Variants in L3MBTL4 observed in about 807,000 individuals in gnomAD.
The protein encoded by L3MBTL4 is lethal(3)malignant brain tumor-like protein 4.
L3MBTL4 carries 70 observed loss-of-function variants against 84.5 expected under a neutral mutation model. The ratio of observed to expected loss-of-function variants is 0.83; its 90% CI spans 0.68 to 1.01. The LOEUF (loss-of-function observed/expected upper bound fraction) is 1.01. Among genes scored for constraint, L3MBTL4 ranks in the 50% least tolerant of loss-of-function variants. The pLI is 0.00. For synonymous variants in L3MBTL4, 274 were observed against 259.8 expected (o/e 1.05, Z -0.52); for missense variants, 715 against 754.8 (o/e 0.95, Z 0.62).
At chr18:6,194,414 A>C (rs2045281632) in intron 12 of L3MBTL4, among the ~76,000 whole-genome samples, 1 of 152,194 alleles carries the variant, frequency 6.6e-6, no homozygotes, top group African/African-American at 2.4e-5. Flanking sequence ...AAATGCCACC[A>C]TCACAGCCGT....
intron 1 of L3MBTL4, among the ~76,000 whole-genome samples, chr18:6,353,553 C>G (rs115007951): frequency 6.6e-6 from 1 of 151,928 alleles, no homozygotes; most frequent in East Asian, 1.9e-4. Context: ...CCTAAAGACT[C>G]CACAAAAAAA....
At chr18:6,027,015 TTTTG>T (rs936579521) in intron 16 of L3MBTL4, among the ~76,000 whole-genome samples, 5 of 151,986 alleles carry the variant, frequency 3.3e-5, no homozygotes, top group Non-Finnish European at 5.9e-5. Flanking sequence ...ACAGCTGGTG[TTTTG>T]TTTGTTTGTT....
intron 16 of L3MBTL4, among the ~76,000 whole-genome samples, chr18:6,023,444 T>A (rs1368295402): frequency 6.6e-6 from 1 of 152,186 alleles, no homozygotes; most frequent in Admixed American, 6.5e-5. Context: ...ACGAAGAACA[T>A]TCCAGTGGAA....
chr18:6,321,618 A>G (rs2051406533), intron 1 of L3MBTL4, among the ~76,000 whole-genome samples: 1 of 152,214 alleles, frequency 6.6e-6, no homozygotes, highest in Non-Finnish European at 1.5e-5. Context: ...TTGAAGCACA[A>G]TTCACAATTG....
intron 4 of L3MBTL4, among the ~76,000 whole-genome samples, chr18:6,269,301 C>T (rs1188277760): frequency 6.6e-6 from 1 of 151,724 alleles, no homozygotes; most frequent in Non-Finnish European, 1.5e-5. Flanking sequence ...ACTAAAAATA[C>T]AAAAAATTAG....
At chr18:6,173,343 G>A (rs947098578) in intron 12 of L3MBTL4, among the ~76,000 whole-genome samples, 1 of 152,184 alleles carries the variant, frequency 6.6e-6, no homozygotes, top group African/African-American at 2.4e-5. Flanking sequence ...TCAGCCTGGA[G>A]ACAATTTCCT....
intron 17 of L3MBTL4, among the ~76,000 whole-genome samples, chr18:5,967,742 G>A (rs1223690124): frequency 6.6e-6 from 1 of 152,252 alleles, no homozygotes; most frequent in Admixed American, 6.5e-5. Flanking sequence ...GGAGCCCCAG[G>A]CTGCTGCTGG....
chr18:6,159,386 T>A (rs1275845216), intron 13 of L3MBTL4, among the ~76,000 whole-genome samples: 3 of 152,184 alleles, frequency 2.0e-5, no homozygotes, highest in Admixed American at 2.0e-4. Flanking sequence ...ACAAGCTGTG[T>A]GAATCATTGA....
intron 16 of L3MBTL4, among the ~76,000 whole-genome samples, chr18:6,045,019 G>A (rs1033623150): frequency 3.3e-5 from 5 of 152,198 alleles, no homozygotes; most frequent in African/African-American, 1.2e-4. Context: ...CATAAGCCTT[G>A]CATCCTTTTT....
intron 9 of L3MBTL4, 128 bp downstream of exon 9, chr18:6,239,590 T>C (rs1436477132): frequency 1.0e-5 from 9 of 860,448 alleles, no homozygotes; most frequent in Non-Finnish European, 1.6e-5. Flanking sequence ...TAATGAACAG[T>C]CAACCACCAA....
chr18:5,960,235 T>C, intron 17 of L3MBTL4, 79 bp from the exon 18 acceptor site: 2 of 737,046 alleles, frequency 2.7e-6, no homozygotes. Flanking sequence ...AACATTTAAG[T>C]AAAATATACT....
chr18:6,270,280 T>C (rs531876478), intron 4 of L3MBTL4, among the ~76,000 whole-genome samples: 113 of 152,300 alleles, frequency 7.4e-4, no homozygotes, highest in African/African-American at 2.6e-3. Context: ...ATGCTCTCCC[T>C]ACATTTTTCA....
rs138203460 is a variant in L3MBTL4, at chr18:6,335,382, C to A, written c.-90-23326G>T. Reference sequence around the variant, plus strand: ...CTGGGATTACAGGTATGAGCCACTGCGCCTGTCCTCAATTGCTCTTTTAGA... The same window carrying A: ...CTGGGATTACAGGTATGAGCCACTGAGCCTGTCCTCAATTGCTCTTTTAGA... On this transcript the variant is annotated intron_variant, in intron 1 of 18. Transcript: ENST00000317931. 1.4e-3 allele frequency among the ~76,000 whole-genome samples: 219 copies of A among 152,248 alleles called. 1 individual carries two copies. Among genetic ancestry groups the A allele is most frequent in the African/African-American group, 5.1e-3 (212 of 41,562 alleles).
At chr18:6,102,016 C>G (rs1422878250) in intron 14 of L3MBTL4, among the ~76,000 whole-genome samples, 1 of 152,210 alleles carries the variant, frequency 6.6e-6, no homozygotes, top group Admixed American at 6.5e-5. Context: ...AAAATAATCA[C>G]TGCCCTCCAG....
intron 17 of L3MBTL4, among the ~76,000 whole-genome samples, chr18:5,964,207 A>T (rs986277614): frequency 6.6e-6 from 1 of 152,208 alleles, no homozygotes; most frequent in Non-Finnish European, 1.5e-5. Flanking sequence ...GAGAAAGTTA[A>T]TTCTAAGTAT....
intron 4 of L3MBTL4, among the ~76,000 whole-genome samples, chr18:6,291,026 C>T (rs1201215495): frequency 6.6e-6 from 1 of 152,104 alleles, no homozygotes; most frequent in Admixed American, 6.5e-5. Flanking sequence ...CACCAAACTG[C>T]CCAAAGCTGT....
chr18:6,201,909 TGTTAA>T (rs1351311145), intron 12 of L3MBTL4, among the ~76,000 whole-genome samples: 2 of 152,208 alleles, frequency 1.3e-5, no homozygotes, highest in Non-Finnish European at 2.9e-5. Flanking sequence ...AATAAGATAG[TGTTAA>T]GTTAGGTTGA....
intron 10 of L3MBTL4, among the ~76,000 whole-genome samples, chr18:6,231,163 C>T (rs1325658467): frequency 2.0e-5 from 3 of 152,112 alleles, no homozygotes; most frequent in Non-Finnish European, 2.9e-5. Context: ...GGGCCTATAT[C>T]CAGGATGGTA....
At chr18:6,132,904 A>G (rs965537369) in intron 14 of L3MBTL4, among the ~76,000 whole-genome samples, 2 of 152,178 alleles carry the variant, frequency 1.3e-5, no homozygotes, top group African/African-American at 4.8e-5. Flanking sequence ...TGAAGTGGAA[A>G]GAGAGGCTTG....
Sources: allele counts gnomAD v4.1 joint callset (sites outside exome capture counted in the v4.1 genomes callset), GRCh38; gene constraint gnomAD v4.1.1; transcripts MANE v1.5; gene names NCBI Gene and HGNC (gene_info 2026-07-23, HGNC 2026-07-21).